DENND4C: variants seen among roughly 807,000 people sequenced by gnomAD.
DENND4C encodes DENN domain-containing protein 4C.
Under a neutral mutation model 203.0 loss-of-function variants are expected in DENND4C, and 108 were observed. That is an observed-to-expected ratio of 0.53 (90% CI 0.46 to 0.62). The LOEUF (loss-of-function observed/expected upper bound fraction) is 0.62. Ranked by LOEUF, DENND4C falls within the 20% of genes least tolerant of loss-of-function variation. The pLI is 0.00. For missense variants in DENND4C, 2,481 were observed against 2,301.2 expected, an observed-to-expected ratio of 1.08 and a Z score of -1.60; for synonymous variants, 871 against 792.4, an observed-to-expected ratio of 1.10 and a Z score of -1.67.
At chr9:19,371,712 T>C in intron 31 of DENND4C, 44 bp from the exon 32 acceptor site, 1 of 1,007,686 alleles carries the variant, frequency 9.9e-7, no homozygotes. Context: ...TCTGTGTTTT[T>C]ATGCTATTTG....
At chr9:19,319,969 TA>T (rs1242711172) in intron 12 of DENND4C, among the ~76,000 whole-genome samples, 3 of 152,174 alleles carry the variant, frequency 2.0e-5, no homozygotes, top group African/African-American at 7.2e-5. Flanking sequence ...TGGCTTAATT[TA>T]TCCTTATGTT....
At chr9:19,331,884 T>G (rs1563811507) in intron 16 of DENND4C, 94 bp from the exon 17 acceptor site, 2 of 1,219,334 alleles carry the variant, frequency 1.6e-6, no homozygotes, top group Non-Finnish European at 2.3e-6. Flanking sequence ...GGGGGTCAAG[T>G]TTTACTTAAA....
rs1278200852 is a variant in DENND4C, at chr9:19,290,872, A to G, written c.797A>G (p.Lys266Arg). The G allele has an allele frequency of 3.1e-6, 5 of 1,612,806 alleles. No individual in the cohort carries two copies. Among genetic ancestry groups the G allele is most frequent in the African/African-American group, 2.7e-5 (2 of 74,884 alleles). Reference protein sequence around the residue: ...STFVLTGSSAKKVYGAAIQFY... With the variant: ...STFVLTGSSARKVYGAAIQFY... ...TTTGTCTTGACAGGTTCTTCAGCCA[A>G]AAAGGTATGTTTTTGTCTCATTGAT... Residue 266 changes from lysine (K) to arginine (R), a missense_variant, in exon 5 of 33, where the codon AAA becomes AGA. This residue lies in a region of DENND4C where 2,289 missense variants were observed against 2,113.3 expected (regional missense o/e 1.08). Coordinates refer to ENST00000434457, the MANE Select transcript of DENND4C (RefSeq NM_001330640.2).
intron 1 of DENND4C, among the ~76,000 whole-genome samples, chr9:19,239,899 G>A (rs1456750593): frequency 1.3e-5 from 2 of 152,276 alleles, no homozygotes; most frequent in African/African-American, 4.8e-5. Flanking sequence ...GTTGTTGGGT[G>A]CAGTGTTCTA....
intron 1 of DENND4C, among the ~76,000 whole-genome samples, chr9:19,270,168 A>G (rs746820296): frequency 1.3e-5 from 2 of 152,088 alleles, no homozygotes; most frequent in Non-Finnish European, 2.9e-5. Flanking sequence ...GGAGTGACAC[A>G]AGCACCCCTG....
chr9:19,270,165 C>A (rs1483748939), intron 1 of DENND4C, among the ~76,000 whole-genome samples: 1 of 152,130 alleles, frequency 6.6e-6, no homozygotes, highest in Non-Finnish European at 1.5e-5. Flanking sequence ...GGAGGAGTGA[C>A]ACAAGCACCC....
intron 23 of DENND4C, among the ~76,000 whole-genome samples, chr9:19,348,733 A>G (rs1369114267): frequency 6.6e-6 from 1 of 152,220 alleles, no homozygotes; most frequent in African/African-American, 2.4e-5. Context: ...GAGGTCAGTC[A>G]AGGGAAGGCG....
chr9:19,354,445 G>A (rs770084428), intron 26 of DENND4C, among the ~76,000 whole-genome samples: 3 of 151,650 alleles, frequency 2.0e-5, no homozygotes, highest in Admixed American at 6.6e-5. Context: ...TTTCTATATA[G>A]CCTTACCAGC....
intron 1 of DENND4C, among the ~76,000 whole-genome samples, chr9:19,244,051 G>C (rs1824465907): frequency 6.6e-6 from 1 of 151,672 alleles, no homozygotes; most frequent in African/African-American, 2.4e-5. Flanking sequence ...CTTTTTTTGA[G>C]ATGGAGTCTT....
In DENND4C at chr9:19,324,461, G is replaced by A. The variant is rs749560691; in HGVS notation, c.1907G>A (p.Ser636Asn). Residue 636 changes from serine (S) to asparagine (N), a missense_variant, in exon 13 of 33, where the codon AGT (serine) becomes AAT (asparagine). Around this residue, in one of 3 missense-constraint regions of DENND4C, gnomAD observed 2,289 missense variants for 2,113.3 expected, o/e 1.08. Coordinates refer to ENST00000434457, the MANE Select transcript of DENND4C (RefSeq NM_001330640.2). Reference protein sequence around the residue: ...IRFIEECSFVSDKDTGLAFFD... With the variant: ...IRFIEECSFVNDKDTGLAFFD... Reference sequence around the variant, plus strand: ...TTCATTGAAGAATGCAGTTTTGTAAGTGATAAAGATACTGGATTAGCATTT... The same window carrying A: ...TTCATTGAAGAATGCAGTTTTGTAAATGATAAAGATACTGGATTAGCATTT... 2 of 1,612,688 alleles carry A rather than the reference G, an allele frequency of 1.2e-6. No individual in the cohort carries two copies. The highest frequency in any genetic ancestry group is 1.1e-5 in the South Asian group (1 of 90,856).
At chr9:19,277,328 A>T (rs1325895040) in intron 2 of DENND4C, among the ~76,000 whole-genome samples, 1 of 152,178 alleles carries the variant, frequency 6.6e-6, no homozygotes, top group Non-Finnish European at 1.5e-5. Context: ...TGAACGTGGA[A>T]TGTTTTCCAT....
At chr9:19,251,954 C>T (rs558680738) in intron 1 of DENND4C, among the ~76,000 whole-genome samples, 1 of 152,312 alleles carries the variant, frequency 6.6e-6, no homozygotes, top group East Asian at 1.9e-4. Context: ...ACTGTTCCAG[C>T]CTCTGCCTGT....
intron 1 of DENND4C, among the ~76,000 whole-genome samples, chr9:19,251,692 A>G (rs974589062): frequency 1.3e-5 from 2 of 152,204 alleles, no homozygotes; most frequent in African/African-American, 4.8e-5. Flanking sequence ...GATACCCTAA[A>G]TCATCTCTCT....
At chr9:19,331,120 C>T (rs1819036455) in intron 16 of DENND4C, among the ~76,000 whole-genome samples, 1 of 151,974 alleles carries the variant, frequency 6.6e-6, no homozygotes, top group Admixed American at 6.6e-5. Flanking sequence ...ATTTTCTCTT[C>T]TACCTAAATC....
At chr9:19,320,577 C>A (rs1409006569) in intron 12 of DENND4C, among the ~76,000 whole-genome samples, 2 of 152,144 alleles carry the variant, frequency 1.3e-5, no homozygotes, top group Admixed American at 1.3e-4. Context: ...TGCTAAATTG[C>A]CATATGAAGG....
At chr9:19,269,464 A>C (rs1000159559) in intron 1 of DENND4C, among the ~76,000 whole-genome samples, 5 of 152,062 alleles carry the variant, frequency 3.3e-5, no homozygotes, top group African/African-American at 1.2e-4. Flanking sequence ...CGGCCCCTTG[A>C]CTGTGTTTTC....
intron 1 of DENND4C, among the ~76,000 whole-genome samples, chr9:19,245,368 G>A (rs979509584): frequency 6.6e-6 from 1 of 151,834 alleles, no homozygotes; most frequent in African/African-American, 2.4e-5. Flanking sequence ...TCGGGAGGCT[G>A]AGGCAGGAGA....
intron 1 of DENND4C, among the ~76,000 whole-genome samples, chr9:19,239,031 T>C (rs1823016810): frequency 6.6e-6 from 1 of 152,104 alleles, no homozygotes; most frequent in African/African-American, 2.4e-5. Flanking sequence ...ATATTGGTAA[T>C]TCCAGCCTCT....
At chr9:19,298,583 A>G (rs7851902) in intron 7 of DENND4C, among the ~76,000 whole-genome samples, 113,691 of 152,026 alleles carry the variant, frequency 0.75, 44,119 homozygotes, top group East Asian at 0.98. Context: ...CATATGCAAC[A>G]TGAACAGGTC....
Sources: allele counts gnomAD v4.1 joint callset (sites outside exome capture counted in the v4.1 genomes callset), GRCh38; gene constraint gnomAD v4.1.1; regional missense constraint gnomAD v4.1.1; transcripts MANE v1.5; gene names NCBI Gene and HGNC (gene_info 2026-07-23, HGNC 2026-07-21).